Variants in LCE4A observed in about 807,000 individuals in gnomAD.
The protein encoded by LCE4A is late cornified envelope 4A.
For missense variants in LCE4A, 110 were observed against 111.3 expected (o/e 0.99, Z 0.05); for synonymous variants, 41 against 42.3 (o/e 0.97, Z 0.12).
At position 152,709,061 on chromosome 1, in the gene LCE4A, C is replaced by G. The variant is rs144247009; in HGVS notation, c.-15C>G. 6 of 1,604,458 alleles carry G rather than the reference C, an allele frequency of 3.7e-6. No homozygotes were observed. In the Admixed American group the frequency reaches 5.0e-5, roughly 13 times the overall value. On this transcript the variant is annotated 5_prime_UTR_variant, in exon 2 of 2. It adds an upstream start codon to the 5' untranslated region. Transcript: ENST00000368777. ...TTTCTATTTTGTCATTCAGGTTTAT[C>G]GAAATCCCACCAAGATGTCCTGCCA...
At chr1:152,708,661 T>G (rs1557813891) in intron 1 of LCE4A, among the ~76,000 whole-genome samples, 1 of 152,244 alleles carries the variant, frequency 6.6e-6, no homozygotes, top group Non-Finnish European at 1.5e-5. Flanking sequence ...CTAAGCCCAT[T>G]GCTCTGAAGG....
At chr1:152,709,011 T>C in intron 1 of LCE4A, 44 bp from the exon 2 acceptor site, 1 of 1,256,060 alleles carries the variant, frequency 8.0e-7, no homozygotes, top group East Asian at 2.3e-5. Context: ...ATGTAATGGC[T>C]CTTGATATTA....
Position 152,709,346 on chromosome 1 carries a change from G to A in LCE4A, c.271G>A (p.Gly91Ser). 1 of 1,603,090 alleles carries A rather than the reference G, an allele frequency of 6.2e-7. No homozygotes were observed. The highest frequency in any genetic ancestry group is 1.1e-5 in the South Asian group (1 of 89,370). ...SGSGQQSGGS[G>S]CCSGGGCC ...CAGTGGCCAGCAGTCTGGGGGTTCT[G>A]GCTGCTGCTCTGGAGGGGGCTGTTG... Residue 91 changes from glycine to serine, a missense_variant, in exon 2 of 2, where the codon GGC (glycine) becomes AGC (serine). Transcript: ENST00000368777.
rs747000071 is a variant in LCE4A at position 152,709,406 on chromosome 1, G to A, written c.*31G>A. 3.3e-6 allele frequency: 5 copies of A among 1,520,476 alleles called. No individual in the cohort carries two copies. The highest frequency in any genetic ancestry group is 4.4e-6 in the Non-Finnish European group (5 of 1,132,974). 94.2% of individuals were successfully genotyped at this position (1,520,476 alleles called of 1,614,324 possible). On this transcript the variant is annotated 3_prime_UTR_variant, in exon 2 of 2. Coordinates refer to ENST00000368777, the MANE Select transcript of LCE4A (RefSeq NM_001387222.1). ...ACCAGGAGCAGCACCAAAGGAATTA[G>A]TGGGCGAAGGACCCATTGCAGCCTG...
rs1270857585 is a variant in LCE4A, at chr1:152,708,189, A to G, written c.-227A>G. ...GAAGAGGCTATCTGGGAAGCTCATC[A>G]TCCAGCTCAGGAAGAGATGAAACCA... On this transcript the variant is annotated 5_prime_UTR_variant, in exon 1 of 2. Coordinates refer to ENST00000368777, the MANE Select transcript of LCE4A (RefSeq NM_001387222.1). The G allele has an allele frequency of 2.6e-5, 4 of 152,354 alleles. No individual in the cohort carries two copies. The highest frequency in any genetic ancestry group is 5.9e-5 in the Non-Finnish European group (4 of 68,174). 9.4% of individuals were successfully genotyped at this position (152,354 alleles called of 1,614,324 possible).
chr1:152,709,268 C>T lies in LCE4A; in HGVS notation c.193C>T (p.His65Tyr). The T allele has an allele frequency of 6.2e-7, 1 of 1,613,950 alleles. No homozygotes were observed. Among genetic ancestry groups the T allele is most frequent in the Non-Finnish European group, 8.5e-7 (1 of 1,179,924 alleles). ...TGGCTGCTGCCTGAGCCACCACAGA[C>T]ACCATAGGTCCCACTGCCACAGACC... is the stretch of plus-strand genomic sequence containing the variant. ...GGGCCLSHHR[H>Y]HRSHCHRPKS... Residue 65 changes from histidine (H) to tyrosine (Y), a missense_variant, in exon 2 of 2, where the codon CAC becomes TAC. Coordinates refer to ENST00000368777, the MANE Select transcript of LCE4A (RefSeq NM_001387222.1).
chr1:152,708,272 C>A lies in LCE4A; in HGVS notation c.-144C>A, dbSNP rs556109750. 6.6e-6 allele frequency: 1 copy of A among 152,498 alleles called. No individual in the cohort carries two copies. The highest frequency in any genetic ancestry group is 2.4e-5 in the African/African-American group (1 of 41,606). 9.4% of individuals were successfully genotyped at this position (152,498 alleles called of 1,614,324 possible). ...CTTGTGCAACAGCCACGTCCTGCTC[C>A]TGCCATTAGCATGGCTCATCCGAGG... On this transcript the variant is annotated 5_prime_UTR_variant, in exon 1 of 2. It adds an upstream start codon to the 5' untranslated region. Transcript: ENST00000368777.
intron 1 of LCE4A, 65 bp from the exon 2 acceptor site, chr1:152,708,990 A>C (rs1467536359): frequency 1.8e-6 from 2 of 1,106,244 alleles, no homozygotes; most frequent in Admixed American, 4.4e-5. Context: ...AGGATTTTAA[A>C]ATAAAAAAAA....
intron 1 of LCE4A, among the ~76,000 whole-genome samples, chr1:152,708,702 T>C (rs1465555621): frequency 2.0e-5 from 3 of 151,972 alleles, no homozygotes; most frequent in African/African-American, 7.3e-5. Context: ...AGATCTCAAA[T>C]TTATTATTAT....
intron 1 of LCE4A, among the ~76,000 whole-genome samples, chr1:152,708,693 G>C (rs905209833): frequency 6.6e-6 from 1 of 152,194 alleles, no homozygotes; most frequent in Non-Finnish European, 1.5e-5. Context: ...TAACCGTGCA[G>C]ATCTCAAATT....
intron 1 of LCE4A, 49 bp from the exon 2 acceptor site, chr1:152,709,006 A>G: frequency 8.2e-7 from 1 of 1,215,634 alleles, no homozygotes; most frequent in Non-Finnish European, 1.2e-6. Flanking sequence ...AAAAAATGTA[A>G]TGGCTCTTGA....
Position 152,709,183 on chromosome 1 carries a change from A to G in LCE4A, c.108A>G (p.Pro36=). 2 of 796,918 alleles carry G rather than the reference A, an allele frequency of 2.5e-6. No homozygotes were observed. Among genetic ancestry groups the G allele is most frequent in the Non-Finnish European group, 1.9e-6 (1 of 529,884 alleles). The allele number at this position is 796,918 out of a possible 1,614,324, so 49.4% of individuals were successfully genotyped here. The change falls in exon 2 of 2, where the codon CCA becomes CCG. Residue 36 remains proline, a synonymous_variant. Coordinates refer to ENST00000368777, the MANE Select transcript of LCE4A (RefSeq NM_001387222.1). The part of the protein sequence containing the change: ...PSKCASSCPP[P]ISSCCGSSSG... ...AGTGTGCATCCTCATGCCCACCTCC[A>G]ATCTCTTCCTGCTGTGGCTCCAGCT...
rs781190942 is a variant in LCE4A, at chr1:152,709,189, T to C, written c.114T>C (p.Ser38=). The C allele has an allele frequency of 3.0e-5, 18 of 592,758 alleles. No individual in the cohort carries two copies. In the Admixed American group the frequency reaches 5.7e-4, roughly 19 times the overall value. 36.7% of individuals were successfully genotyped at this position (592,758 alleles called of 1,614,324 possible). Residue 38 remains serine, a synonymous_variant, in exon 2 of 2, where the codon TCT becomes TCC. Coordinates refer to ENST00000368777, the MANE Select transcript of LCE4A (RefSeq NM_001387222.1). ...CATCCTCATGCCCACCTCCAATCTC[T>C]TCCTGCTGTGGCTCCAGCTCTGGGG... is the stretch of plus-strand genomic sequence containing the variant. ...KCASSCPPPI[S]SCCGSSSGGC... is the part of the protein sequence containing the mutation.
Position 152,709,294 on chromosome 1 carries a change from C to T in LCE4A, c.219C>T (p.Pro73=). The change falls in exon 2 of 2, where the codon CCC becomes CCT. Residue 73 remains proline, a synonymous_variant. Transcript: ENST00000368777. The stretch of plus-strand genomic sequence containing the variant: ...ACCATAGGTCCCACTGCCACAGACC[C>T]AAGAGCTCCAATTGCTATGGCAGTG... ...HRHHRSHCHR[P]KSSNCYGSGS... The T allele has an allele frequency of 6.2e-7, 1 of 1,613,960 alleles. No homozygotes were observed. Among genetic ancestry groups the T allele is most frequent in the Non-Finnish European group, 8.5e-7 (1 of 1,179,874 alleles).
Position 152,709,071 on chromosome 1 carries a change from C to T in LCE4A, c.-5C>T, listed in dbSNP as rs767207179. The T allele has an allele frequency of 1.9e-6, 3 of 1,610,482 alleles. No homozygotes were observed. The highest frequency in any genetic ancestry group is 2.2e-5 in the South Asian group (2 of 90,606). On this transcript the variant is annotated 5_prime_UTR_variant, in exon 2 of 2. Coordinates refer to ENST00000368777, the MANE Select transcript of LCE4A (RefSeq NM_001387222.1). ...GTCATTCAGGTTTATCGAAATCCCA[C>T]CAAGATGTCCTGCCAGCAGAACCAA...
rs1215004385 is a variant in LCE4A, at chr1:152,709,159, G to A, written c.84G>A (p.Lys28=). 2.5e-6 allele frequency: 4 copies of A among 1,613,700 alleles called. No homozygotes were observed. Among genetic ancestry groups the A allele is most frequent in the African/African-American group, 1.3e-5 (1 of 74,766 alleles). ...AGTATCCCCCAAAATGTCCCTCAAA[G>A]TGTGCATCCTCATGCCCACCTCCAA... is the stretch of plus-strand genomic sequence containing the variant. The part of the protein sequence containing the change: ...IPKYPPKCPS[K]CASSCPPPIS... Residue 28 remains lysine, a synonymous_variant, in exon 2 of 2, where the codon AAG becomes AAA. Coordinates refer to ENST00000368777, the MANE Select transcript of LCE4A (RefSeq NM_001387222.1).
rs1419384538 is a variant in LCE4A at position 152,708,191 on chromosome 1, C to G, written c.-225C>G. 1 of 152,378 alleles carries G rather than the reference C, an allele frequency of 6.6e-6. No individual in the cohort carries two copies. The highest frequency in any genetic ancestry group is 1.5e-5 in the Non-Finnish European group (1 of 68,174). The allele number at this position is 152,378 out of a possible 1,614,324, so 9.4% of individuals were successfully genotyped here. ...AGAGGCTATCTGGGAAGCTCATCAT[C>G]CAGCTCAGGAAGAGATGAAACCAGG... On this transcript the variant is annotated 5_prime_UTR_variant, in exon 1 of 2. It adds an upstream start codon to the 5' untranslated region. Coordinates refer to ENST00000368777, the MANE Select transcript of LCE4A (RefSeq NM_001387222.1).
chr1:152,709,126 T>C lies in LCE4A; in HGVS notation c.51T>C (p.Pro17=). 6.2e-7 allele frequency: 1 copy of C among 1,613,612 alleles called. No homozygotes were observed. The highest frequency in any genetic ancestry group is 1.1e-5 in the South Asian group (1 of 90,972). ...AGTGCCAGCCCCCTCCCAAGTGTCC[T>C]ATCCCCAAGTATCCCCCAAAATGTC... ...QQQCQPPPKC[P]IPKYPPKCPS... Residue 17 remains proline, a synonymous_variant, in exon 2 of 2, where the codon CCT becomes CCC. Transcript: ENST00000368777.
At chr1:152,708,694 A>T (rs1399273835) in intron 1 of LCE4A, among the ~76,000 whole-genome samples, 2 of 152,184 alleles carry the variant, frequency 1.3e-5, no homozygotes, top group Non-Finnish European at 2.9e-5. Context: ...AACCGTGCAG[A>T]TCTCAAATTT....
Sources: gnomAD v4.1 joint callset for allele counts (sites outside exome capture counted in the v4.1 genomes callset) on GRCh38, gnomAD v4.1.1 for gene constraint, MANE v1.5 for transcripts, NCBI Gene and HGNC (gene_info 2026-07-23, HGNC 2026-07-21) for gene names.